Variants in SAMD12 observed in about 807,000 individuals in gnomAD.
SAMD12 encodes sterile alpha motif domain containing 12, also known as sterile alpha motif domain-containing protein 12.
Under a neutral mutation model 15.0 loss-of-function variants are expected in SAMD12, and 9 were observed. The ratio of observed to expected loss-of-function variants is 0.60; its 90% CI spans 0.36 to 1.05. The LOEUF is 1.05. Among genes scored for constraint, SAMD12 ranks in the 50% least tolerant of loss-of-function variants. The pLI, the probability that SAMD12 is intolerant of heterozygous loss-of-function variation, is 0.01. For synonymous variants in SAMD12, 86 were observed against 90.1 expected (o/e 0.96, Z 0.25); for missense variants, 230 against 234.2 (o/e 0.98, Z 0.12).
intron 3 of SAMD12, among the ~76,000 whole-genome samples, chr8:118,396,326 A>G (rs1820563597): frequency 1.3e-5 from 2 of 152,170 alleles, no homozygotes; most frequent in African/African-American, 4.8e-5. Flanking sequence ...TGTCTGGTAT[A>G]ATACCTGACT....
At chr8:118,187,626 A>C (rs1467641024), downstream of SAMD12, among the ~76,000 whole-genome samples, 1 of 152,122 alleles carries the variant, frequency 6.6e-6, no homozygotes, top group East Asian at 1.9e-4. Flanking sequence ...ATATAGCTAC[A>C]ATGTTTACCC....
At chr8:118,469,092 C>T (rs1348996443) in intron 2 of SAMD12, among the ~76,000 whole-genome samples, 2 of 152,092 alleles carry the variant, frequency 1.3e-5, no homozygotes, top group African/African-American at 2.4e-5. Flanking sequence ...TTCAGTCTTC[C>T]GCCCTTCCTC....
chr8:118,300,047 CAT>C, intron 4 of SAMD12, among the ~76,000 whole-genome samples: 1 of 151,816 alleles, frequency 6.6e-6, no homozygotes. Context: ...TTTTAATTGA[CAT>C]ATAATAACTG....
chr8:118,620,967 T>A (rs1410750849), intron 1 of SAMD12: 1 of 152,182 alleles, frequency 6.6e-6, no homozygotes, highest in Non-Finnish European at 1.5e-5. Flanking sequence ...GTCCACAGTT[T>A]TTTTTTCTTC....
chr8:118,610,312 T>G (rs1340822573), intron 1 of SAMD12, among the ~76,000 whole-genome samples: 1 of 152,232 alleles, frequency 6.6e-6, no homozygotes, highest in Non-Finnish European at 1.5e-5. Context: ...ATTATAATGC[T>G]GTTTTTCTTA....
At chr8:118,462,275 A>C (rs1823444781) in intron 2 of SAMD12, among the ~76,000 whole-genome samples, 1 of 152,182 alleles carries the variant, frequency 6.6e-6, no homozygotes, top group East Asian at 1.9e-4. Context: ...TTCCTGCACA[A>C]AGTAAAGGAT....
In SAMD12 at chr8:118,213,999, G is replaced by T. The variant is rs543823772; in HGVS notation, c.434-16267C>A. On this transcript the variant is annotated intron_variant, in intron 4 of 4. Coordinates refer to the SAMD12 transcript ENST00000409003. ...CCCCAACTTCCCATAAACACACAAG[G>T]TCTTGTACCCTACTTGGAAATTGAG... Among the ~76,000 whole-genome samples the T allele has an allele frequency of 2.0e-4, 30 of 152,250 alleles. 1 individual carries two copies. In the South Asian group the frequency reaches 5.4e-3, roughly 27 times the overall value.
chr8:118,455,747 A>G (rs1187159992), intron 2 of SAMD12, among the ~76,000 whole-genome samples: 1 of 152,142 alleles, frequency 6.6e-6, no homozygotes, highest in Non-Finnish European at 1.5e-5. Flanking sequence ...CTGCTCTCCC[A>G]CCAGTTTCTA....
At chr8:118,265,445 G>A (rs921904236) in intron 4 of SAMD12, among the ~76,000 whole-genome samples, 2 of 152,070 alleles carry the variant, frequency 1.3e-5, no homozygotes, top group African/African-American at 4.8e-5. Flanking sequence ...CATTCTTTAT[G>A]TATTGCTTCA....
At chr8:118,564,322 T>C (rs1472196545) in intron 2 of SAMD12, among the ~76,000 whole-genome samples, 1 of 151,528 alleles carries the variant, frequency 6.6e-6, no homozygotes, top group East Asian at 1.9e-4. Flanking sequence ...TACCCAGCAA[T>C]ACATGGTAGA....
intron 4 of SAMD12, among the ~76,000 whole-genome samples, chr8:118,337,380 G>C (rs1165671126): frequency 6.6e-6 from 1 of 152,056 alleles, no homozygotes; most frequent in Non-Finnish European, 1.5e-5. Context: ...TCCAAAGCAG[G>C]GAGACCAAGC....
chr8:118,242,626 C>T (rs1406124333), intron 4 of SAMD12, among the ~76,000 whole-genome samples: 1 of 151,892 alleles, frequency 6.6e-6, no homozygotes, highest in Non-Finnish European at 1.5e-5. Context: ...GGTTTCAGGC[C>T]TCCACTGGGG....
intron 3 of SAMD12, among the ~76,000 whole-genome samples, chr8:118,382,737 T>C (rs1295364121): frequency 6.6e-6 from 1 of 152,216 alleles, no homozygotes; most frequent in Non-Finnish European, 1.5e-5. Flanking sequence ...ACATGAGAGC[T>C]GGTTCTAATT....
intron 3 of SAMD12, among the ~76,000 whole-genome samples, chr8:118,415,001 TC>T (rs1043233894): frequency 6.5e-4 from 99 of 152,340 alleles, no homozygotes; most frequent in African/African-American, 2.3e-3. Context: ...CACCTCCTCC[TC>T]GTGACAATTA....
chr8:118,448,355 T>C (rs1822979661), intron 2 of SAMD12, among the ~76,000 whole-genome samples: 1 of 152,216 alleles, frequency 6.6e-6, no homozygotes, highest in Non-Finnish European at 1.5e-5. Context: ...TCTGTTATTT[T>C]TTCTACTGTT....
rs184423705 is a variant in SAMD12, at chr8:118,207,187, A to G, written c.434-9455T>C. ...TCCAGTCTCTGGGGAATGTTTCCCT[A>G]GAAAGATGGCAAAGCCTCACCCAGC... On this transcript the variant is annotated intron_variant, in intron 4 of 4. Transcript: ENST00000409003. 1.1e-4 allele frequency among the ~76,000 whole-genome samples: 16 copies of G among 152,356 alleles called. 1 individual carries two copies. Among genetic ancestry groups the G allele is most frequent in the African/African-American group, 3.6e-4 (15 of 41,594 alleles).
At chr8:118,283,356 A>G (rs750398083) in intron 4 of SAMD12, among the ~76,000 whole-genome samples, 6 of 152,178 alleles carry the variant, frequency 3.9e-5, no homozygotes, top group Non-Finnish European at 8.8e-5. Context: ...TTAGGCATGC[A>G]TGAGATATAA....
At chr8:118,515,119 C>T (rs1435535881) in intron 2 of SAMD12, among the ~76,000 whole-genome samples, 3 of 151,536 alleles carry the variant, frequency 2.0e-5, no homozygotes, top group Non-Finnish European at 4.4e-5. Flanking sequence ...CCTGGGTTCA[C>T]GCCATTCTCC....
At chr8:118,593,438 T>A (rs1372104127) in intron 1 of SAMD12, among the ~76,000 whole-genome samples, 2 of 152,202 alleles carry the variant, frequency 1.3e-5, no homozygotes, top group African/African-American at 4.8e-5. Context: ...TACTTCTGAA[T>A]GTACCTTGGT....
Sources: gnomAD v4.1 joint callset for allele counts (sites outside exome capture counted in the v4.1 genomes callset) on GRCh38, gnomAD v4.1.1 for gene constraint, MANE v1.5 for transcripts, NCBI Gene and HGNC (gene_info 2026-07-23, HGNC 2026-07-21) for gene names.